WSB2: variants seen among roughly 807,000 people sequenced by gnomAD.
WSB2 encodes WD repeat and SOCS box containing 2.
Under a neutral mutation model 48.8 loss-of-function variants are expected in WSB2, and 12 were observed. The ratio of observed to expected loss-of-function variants is 0.25; its 90% CI spans 0.16 to 0.40. The LOEUF is 0.40. WSB2 is among the 10% of genes least tolerant of loss of function. The pLI is 1.00. For synonymous variants in WSB2, 191 were observed against 203.1 expected, an observed-to-expected ratio of 0.94 and a Z score of 0.51; for missense variants, 317 against 506.2, an observed-to-expected ratio of 0.63 and a Z score of 3.59.
At chr12:118,049,677 A>T (rs916776436) in intron 2 of WSB2, among the ~76,000 whole-genome samples, 1 of 152,130 alleles carries the variant, frequency 6.6e-6, no homozygotes, top group Non-Finnish European at 1.5e-5. Context: ...TGCTGGGATT[A>T]CAGGCATCAG....
Position 118,035,390 on chromosome 12 carries a change from C to T in WSB2, c.834-66G>A, listed in dbSNP as rs371103196. ...GCTGCTCTCCACCCTCCATCATCAC[C>T]CTAGGCAGGAAGCCAAACTGCCCTG... On this transcript the variant is annotated intron_variant, in intron 6 of 8. Transcript: ENST00000315436. 5.1e-5 allele frequency: 75 copies of T among 1,477,756 alleles called. No individual in the cohort carries two copies. In the African/African-American group the frequency reaches 8.2e-4, roughly 16 times the overall value. 91.5% of individuals were successfully genotyped at this position (1,477,756 alleles called of 1,614,324 possible).
upstream of WSB2, chr12:118,062,125 G>T: frequency 6.5e-7 from 1 of 1,535,270 alleles, no homozygotes. Context: ...GCCTGTCCCC[G>T]TCCCCCTGAG....
intron 2 of WSB2, among the ~76,000 whole-genome samples, chr12:118,051,217 T>C (rs1296112661): frequency 6.6e-6 from 1 of 152,076 alleles, no homozygotes; most frequent in Non-Finnish European, 1.5e-5. Flanking sequence ...ATGTAGAGAA[T>C]CTGGAACCTG....
intron 5 of WSB2, 38 bp downstream of exon 5, chr12:118,038,250 T>C (rs376167607): frequency 1.3e-6 from 2 of 1,586,762 alleles, no homozygotes; most frequent in African/African-American, 1.3e-5. Flanking sequence ...CAGACCTCCA[T>C]GTCTCAGTGA....
chr12:118,057,825 G>A (rs890353263), intron 1 of WSB2, among the ~76,000 whole-genome samples: 27 of 148,400 alleles, frequency 1.8e-4, no homozygotes, highest in African/African-American at 6.4e-4. Flanking sequence ...CTGAATCACA[G>A]CTCACTGCAG....
Position 118,038,784 on chromosome 12 carries a change from G to A in WSB2, c.560-396C>T, listed in dbSNP as rs555678658. Among the ~76,000 whole-genome samples, 7 of 152,204 alleles carry A rather than the reference G, an allele frequency of 4.6e-5. No homozygotes were observed. In the South Asian group the frequency reaches 1.0e-3, roughly 23 times the overall value. ...CAACCTCTGCCTCCCAAGTTGAAGCGATTCTCCTGCCTCAGCCTCCTGAGT... is the reference window on the plus strand; with the variant it reads ...CAACCTCTGCCTCCCAAGTTGAAGCAATTCTCCTGCCTCAGCCTCCTGAGT... On this transcript the variant is annotated intron_variant, in intron 4 of 8. Transcript: ENST00000315436.
At chr12:118,043,415 GT>G in intron 2 of WSB2, 38 bp from the exon 3 acceptor site, 1 of 1,519,070 alleles carries the variant, frequency 6.6e-7, no homozygotes, top group Non-Finnish European at 8.8e-7. Flanking sequence ...ATCTGCAATT[GT>G]TACCAGTCTA....
intron 4 of WSB2, among the ~76,000 whole-genome samples, chr12:118,038,932 T>G (rs538064699): frequency 6.6e-6 from 1 of 152,230 alleles, no homozygotes; most frequent in South Asian, 2.1e-4. Flanking sequence ...GATCACTTTT[T>G]TTATATAATC....
At position 118,043,202 on chromosome 12, in the gene WSB2, C is replaced by G. The variant is rs113350351; in HGVS notation, c.358G>C (p.Asp120His). The G allele has an allele frequency of 3.1e-6, 5 of 1,614,234 alleles. No individual in the cohort carries two copies. The highest frequency in any genetic ancestry group is 4.2e-6 in the Non-Finnish European group (5 of 1,180,042). Reference protein sequence around the residue: ...LWARHHPQVPDVSCLVLATGL... With the variant: ...LWARHHPQVPHVSCLVLATGL... Reference sequence around the variant, plus strand: ...GTAGCAAGAACCAGGCAAGAGACATCGGGCACTTGGGGGTGGTGGCGTGCC... The same window carrying G: ...GTAGCAAGAACCAGGCAAGAGACATGGGGCACTTGGGGGTGGTGGCGTGCC... The change falls in exon 3 of 9, where the codon GAT (aspartate) becomes CAT (histidine). Residue 120 changes from aspartate (D) to histidine (H), a missense_variant. Physicochemically the swap from Asp to His is moderately conservative, Grantham distance 81. This residue lies in a region of WSB2 where 128 missense variants were observed against 156.7 expected (regional missense o/e 0.82). Coordinates refer to ENST00000315436, the MANE Select transcript of WSB2 (RefSeq NM_018639.5).
Position 118,060,982 on chromosome 12 carries a change from G to A in WSB2, c.13+54C>T. ...CGGGGTCGCCTCCCCCCTCCCCGGG[G>A]AGAACGGGCCAGGGCCCCGCCGGGC... On this transcript the variant is annotated intron_variant, in intron 1 of 8. Coordinates refer to ENST00000315436, the MANE Select transcript of WSB2 (RefSeq NM_018639.5). The surrounding 1 kb of genome is among the most constrained non-coding windows in gnomAD (Gnocchi z 4.1). 1 of 905,938 alleles carries A rather than the reference G, an allele frequency of 1.1e-6. No individual in the cohort carries two copies. Among genetic ancestry groups the A allele is most frequent in the Non-Finnish European group, 1.3e-6 (1 of 756,416 alleles). 56.1% of individuals were successfully genotyped at this position (905,938 alleles called of 1,614,324 possible). A position where few individuals can be genotyped will look rare whatever the true frequency, so the allele number is the denominator to read the frequency against.
intron 2 of WSB2, among the ~76,000 whole-genome samples, chr12:118,050,241 A>G (rs1216094012): frequency 6.6e-6 from 1 of 152,226 alleles, no homozygotes; most frequent in Non-Finnish European, 1.5e-5. Context: ...AAATACAGAC[A>G]TAGAGTTGCC....
At chr12:118,038,553 GATTTGTCATTTAAAC>G (rs1166859812) in intron 4 of WSB2, among the ~76,000 whole-genome samples, 165 bp from the exon 5 acceptor site, 1 of 152,208 alleles carries the variant, frequency 6.6e-6, no homozygotes, top group Non-Finnish European at 1.5e-5. Flanking sequence ...AATATGACCA[GATTTGTCATTTAAAC>G]ACCTGTAATC....
chr12:118,050,733 G>A (rs1167180462), intron 2 of WSB2, among the ~76,000 whole-genome samples: 5 of 152,016 alleles, frequency 3.3e-5, no homozygotes, highest in South Asian at 2.1e-4. Flanking sequence ...TCCAAAGAAC[G>A]TATACAAAGG....
At chr12:118,038,245 C>G (rs780319748) in intron 5 of WSB2, 43 bp downstream of exon 5, 6 of 1,579,072 alleles carry the variant, frequency 3.8e-6, no homozygotes, top group Non-Finnish European at 5.2e-6. Context: ...CACTTCAGAC[C>G]TCCATGTCTC....
chr12:118,044,930 G>A (rs555711078), intron 2 of WSB2, among the ~76,000 whole-genome samples: 6 of 152,134 alleles, frequency 3.9e-5, no homozygotes, highest in African/African-American at 7.2e-5. Context: ...CAATGCATAC[G>A]TAGTTGAACA....
chr12:118,044,259 A>G (rs1375564390), intron 2 of WSB2, among the ~76,000 whole-genome samples: 1 of 152,196 alleles, frequency 6.6e-6, no homozygotes, highest in Non-Finnish European at 1.5e-5. Context: ...TTGCTCAGAA[A>G]GTTCTCTCAG....
At position 118,058,891 on chromosome 12, in the gene WSB2, T is replaced by G. The variant is rs184019484; in HGVS notation, c.13+2145A>C. ...TTGTATTTTTAGTAGAGACGGAGTT[T>G]CATTATGTTGGTGAGGCTGGTCTCG... On this transcript the variant is annotated intron_variant, in intron 1 of 8. Transcript: ENST00000315436. 1.7e-3 allele frequency among the ~76,000 whole-genome samples: 254 copies of G among 152,152 alleles called. 1 individual carries two copies. Among genetic ancestry groups the G allele is most frequent in the African/African-American group, 5.8e-3 (239 of 41,496 alleles).
intron 1 of WSB2, among the ~76,000 whole-genome samples, chr12:118,059,813 T>C (rs1392721286): frequency 1.3e-5 from 2 of 152,192 alleles, no homozygotes; most frequent in Non-Finnish European, 2.9e-5. Flanking sequence ...AGCCCTTATC[T>C]AGATGGGAAG....
At chr12:118,035,638 T>C (rs541438786) in intron 6 of WSB2, 1 of 257,134 alleles carries the variant, frequency 3.9e-6, no homozygotes, top group South Asian at 6.8e-5. Flanking sequence ...ATGATAATTA[T>C]AGGACTGCCT....
Sources: gnomAD v4.1 joint callset for allele counts (sites outside exome capture counted in the v4.1 genomes callset) on GRCh38, gnomAD v4.1.1 for gene constraint, gnomAD v4.1.1 regional missense constraint, Gnocchi (gnomAD v3.1) non-coding constraint, MANE v1.5 for transcripts, NCBI Gene and HGNC (gene_info 2026-07-23, HGNC 2026-07-21) for gene names.